Variants in ANK3 observed in about 807,000 individuals in gnomAD.
ANK3 encodes the protein ankyrin 3, also known as ankyrin-3.
Under a neutral mutation model 370.9 loss-of-function variants are expected in ANK3, and 57 were observed. That is an observed-to-expected ratio of 0.15 (90% CI 0.12 to 0.19). The LOEUF (loss-of-function observed/expected upper bound fraction) is 0.19. Among genes scored for constraint, ANK3 ranks in the 10% least tolerant of loss-of-function variants. The pLI is 1.00. For synonymous variants in ANK3, 1,929 were observed against 1,946.3 expected (o/e 0.99, Z 0.23); for missense variants, 4,439 against 5,302.1 (o/e 0.84, Z 5.06).
At chr10:60,615,004 G>A (rs189241736) in intron 2 of ANK3, among the ~76,000 whole-genome samples, 7 of 152,106 alleles carry the variant, frequency 4.6e-5, no homozygotes, top group Middle Eastern at 3.2e-3. Flanking sequence ...CACTAGGCGA[G>A]AGTATAAAAG....
rs2077122235 is a variant in ANK3, at chr10:60,552,949, T to C, written c.96+62237A>G. On this transcript the variant is annotated intron_variant, in intron 2 of 43. Transcript: ENST00000373827. The stretch of plus-strand genomic sequence containing the variant: ...CTCTCTCTTTGCCTGCTGCCATCCA[T>C]GTAAGATGTGACTTGCTCCTCCTTG... Among the ~76,000 whole-genome samples the C allele has an allele frequency of 3.3e-5, 5 of 152,272 alleles. No individual in the cohort carries two copies. The South Asian group carries it at 1.0e-3, about 32-fold the overall frequency.
intron 36 of ANK3, 142 bp downstream of exon 36, chr10:60,080,395 C>T: frequency 1.5e-6 from 1 of 664,354 alleles, no homozygotes; most frequent in East Asian, 3.1e-5. Flanking sequence ...CAAAATATTA[C>T]TTAGGTTGTA....
chr10:60,407,555 T>C (rs958130188), intron 2 of ANK3, among the ~76,000 whole-genome samples: 15 of 152,228 alleles, frequency 9.9e-5, no homozygotes, highest in African/African-American at 4.8e-5. Flanking sequence ...ATGAGTATTA[T>C]GTGCCAAGCA....
chr10:60,206,058 C>T (rs533279217), intron 10 of ANK3, among the ~76,000 whole-genome samples, 168 bp from the exon 11 acceptor site: 39 of 152,280 alleles, frequency 2.6e-4, no homozygotes, highest in African/African-American at 8.7e-4. Context: ...TCCAGCTGCC[C>T]TGGGAACCCA....
intron 35 of ANK3, 154 bp downstream of exon 35, chr10:60,081,996 A>T (rs2085398351): frequency 2.0e-6 from 1 of 490,024 alleles, no homozygotes; most frequent in African/African-American, 2.0e-5. Flanking sequence ...AGAAGAGTGA[A>T]CCATTTAAGA....
intron 2 of ANK3, among the ~76,000 whole-genome samples, chr10:60,429,527 A>AT (rs938708055): frequency 1.3e-5 from 2 of 152,224 alleles, no homozygotes; most frequent in African/African-American, 4.8e-5. Flanking sequence ...AGAAGTGAGT[A>AT]TAAGAAAGTA....
intron 42 of ANK3, chr10:60,050,779 T>C: frequency 6.6e-6 from 1 of 152,322 alleles, no homozygotes; most frequent in Admixed American, 6.5e-5. Context: ...TATTTATTAA[T>C]AGTGTTTTCA....
chr10:60,067,498 T>C (rs1348430300), intron 38 of ANK3, among the ~76,000 whole-genome samples: 2 of 152,178 alleles, frequency 1.3e-5, no homozygotes, highest in African/African-American at 4.8e-5. Flanking sequence ...TGACTAAAAT[T>C]TGTGCAGCCT....
At chr10:60,645,283 G>C (rs188527128) in intron 1 of ANK3, among the ~76,000 whole-genome samples, 167 of 152,176 alleles carry the variant, frequency 1.1e-3, no homozygotes, top group Non-Finnish European at 5.1e-4. Flanking sequence ...TCTTTAAAAA[G>C]AAAGCTAAGC....
At position 60,055,724 on chromosome 10, in the gene ANK3, A is replaced by G. The variant is rs760625680; in HGVS notation, c.12999T>C (p.Ser4333=). The part of the protein sequence containing the change: ...PVSMKKMSRT[S]PADGKPRLSL... ...TAAGCCTTGGCTTGCCATCTGCTGG[A>G]GAAGTCCTACTCATCTTTTTCATAC... Residue 4333 remains serine, a synonymous_variant, in exon 42 of 44, where the codon TCT becomes TCC. Transcript: ENST00000280772. The G allele has an allele frequency of 6.8e-6, 11 of 1,614,048 alleles. No homozygotes were observed. Among genetic ancestry groups the G allele is most frequent in the Middle Eastern group, 1.6e-4 (1 of 6,084 alleles).
chr10:60,638,782 T>A (rs368240138), intron 1 of ANK3, among the ~76,000 whole-genome samples: 60 of 152,168 alleles, frequency 3.9e-4, no homozygotes, highest in South Asian at 1.4e-3. Context: ...AAATTAGACA[T>A]CATAAGAACA....
At chr10:60,357,219 T>C (rs2132720132) in intron 1 of ANK3, among the ~76,000 whole-genome samples, 1 of 152,278 alleles carries the variant, frequency 6.6e-6, no homozygotes. Flanking sequence ...CTTTCTCCAA[T>C]CCACTTCAGC....
At chr10:60,193,589 A>G (rs1010239310) in intron 16 of ANK3, among the ~76,000 whole-genome samples, 1 of 151,470 alleles carries the variant, frequency 6.6e-6, no homozygotes, top group Non-Finnish European at 1.5e-5. Flanking sequence ...TGGGAGGCGG[A>G]GGTTGCAGTG....
chr10:60,246,121 T>C (rs12776389), intron 7 of ANK3, among the ~76,000 whole-genome samples: 57,810 of 151,704 alleles, frequency 0.38, 12,135 homozygotes, highest in East Asian at 0.5. Flanking sequence ...CCAGGCATGG[T>C]GGTGTGTGCC....
intron 18 of ANK3, among the ~76,000 whole-genome samples, chr10:60,180,282 T>G (rs886875174): frequency 6.6e-6 from 1 of 150,492 alleles, no homozygotes; most frequent in Admixed American, 6.6e-5. Context: ...TTCTTTTTCA[T>G]GTCAAACATG....
intron 1 of ANK3, among the ~76,000 whole-genome samples, chr10:60,319,067 A>G (rs971879308): frequency 1.3e-5 from 2 of 152,222 alleles, no homozygotes; most frequent in African/African-American, 4.8e-5. Flanking sequence ...TGTTCACTAC[A>G]GAAGACTGAT....
intron 2 of ANK3, among the ~76,000 whole-genome samples, chr10:60,406,937 G>A (rs1033940392): frequency 1.3e-5 from 2 of 152,262 alleles, no homozygotes; most frequent in Middle Eastern, 3.4e-3. Flanking sequence ...AAAGCAAGCC[G>A]TTTAATGTCA....
intron 2 of ANK3, among the ~76,000 whole-genome samples, chr10:60,607,525 A>C (rs2078144343): frequency 6.6e-6 from 1 of 152,204 alleles, no homozygotes; most frequent in Non-Finnish European, 1.5e-5. Context: ...ACATATTTAC[A>C]TGCCAGAAGG....
intron 1 of ANK3, among the ~76,000 whole-genome samples, chr10:60,668,047 C>T (rs932914514): frequency 1.3e-5 from 2 of 151,530 alleles, no homozygotes; most frequent in African/African-American, 4.9e-5. Context: ...TTTGATGATG[C>T]TGGCTTGCAG....
Sources: allele counts gnomAD v4.1 joint callset (sites outside exome capture counted in the v4.1 genomes callset), GRCh38; gene constraint gnomAD v4.1.1; transcripts MANE v1.5; gene names NCBI Gene and HGNC (gene_info 2026-07-23, HGNC 2026-07-21).